SRGAP2B: variants seen among roughly 807,000 people sequenced by gnomAD.
SRGAP2B encodes SLIT-ROBO Rho GTPase activating protein 2B.
A neutral mutation model predicts 22.2 loss-of-function variants in SRGAP2B; 9 were observed. That is an observed-to-expected ratio of 0.41 (90% confidence interval 0.24 to 0.71). The LOEUF (loss-of-function observed/expected upper bound fraction) is 0.71. Among genes scored for constraint, SRGAP2B ranks in the 30% least tolerant of loss-of-function variants. The pLI is 0.35. For missense variants in SRGAP2B, 114 were observed against 235.8 expected (o/e 0.48, Z 3.38); for synonymous variants, 36 against 87.4 (o/e 0.41, Z 3.28).
At chr1:144,920,102 G>C (rs587708619) in intron 4 of SRGAP2B, among the ~76,000 whole-genome samples, 2 of 150,744 alleles carry the variant, frequency 1.3e-5, no homozygotes, top group Admixed American at 6.6e-5. Flanking sequence ...ACAGAGCGCT[G>C]ATTGGTGCGT....
At chr1:144,920,438 AT>A (rs1664151157) in intron 4 of SRGAP2B, among the ~76,000 whole-genome samples, 1 of 150,438 alleles carries the variant, frequency 6.6e-6, no homozygotes. Context: ...ACGCTGGTTA[AT>A]TTTTGTAATT....
intron 2 of SRGAP2B, among the ~76,000 whole-genome samples, chr1:145,063,031 A>G (rs1185965920): frequency 1.3e-5 from 2 of 150,346 alleles, no homozygotes; most frequent in African/African-American, 2.5e-5. Flanking sequence ...GCTCCAGAAC[A>G]CTTTTTTCCC....
chr1:144,904,298 C>T (rs1662826874), intron 7 of SRGAP2B, among the ~76,000 whole-genome samples: 1 of 138,722 alleles, frequency 7.2e-6, no homozygotes, highest in South Asian at 2.5e-4. Flanking sequence ...CACCGAGAAA[C>T]CTTAAATGCT....
intron 4 of SRGAP2B, among the ~76,000 whole-genome samples, chr1:144,921,100 G>A (rs1179678692): frequency 6.1e-5 from 9 of 147,046 alleles, no homozygotes; most frequent in Non-Finnish European, 1.2e-4. Context: ...TTAATCTAAC[G>A]TCTGGGCCCA....
At chr1:145,064,370 A>G (rs1553631993) in intron 2 of SRGAP2B, among the ~76,000 whole-genome samples, 1 of 149,184 alleles carries the variant, frequency 6.7e-6, no homozygotes, top group Non-Finnish European at 1.5e-5. Context: ...TCAAGGACTC[A>G]TCAAGCTGAG....
intron 4 of SRGAP2B, among the ~76,000 whole-genome samples, chr1:144,916,037 C>T (rs1332924263): frequency 6.7e-6 from 1 of 148,528 alleles, no homozygotes; most frequent in Non-Finnish European, 1.5e-5. Flanking sequence ...CATTTAAGAT[C>T]TTGCTTTTTT....
At chr1:144,932,454 T>C in intron 4 of SRGAP2B, among the ~76,000 whole-genome samples, 1 of 151,132 alleles carries the variant, frequency 6.6e-6, no homozygotes, top group East Asian at 1.9e-4. Context: ...ATTAGGGCTT[T>C]GCAGCCAAAT....
chr1:144,918,345 G>A (rs1259555537), intron 4 of SRGAP2B: 1 of 149,280 alleles, frequency 6.7e-6, no homozygotes, highest in African/African-American at 2.6e-5. Context: ...CTATCGGATG[G>A]GAAGTGTGAT....
intron 3 of SRGAP2B, chr1:144,965,154 G>A (rs1667980070): frequency 8.8e-7 from 1 of 1,142,058 alleles, no homozygotes; most frequent in Non-Finnish European, 1.3e-6. Context: ...CAGTGTAGGG[G>A]GGAGGAGCCA....
At chr1:145,021,730 C>A (rs1206795641) in intron 2 of SRGAP2B, among the ~76,000 whole-genome samples, 1 of 149,190 alleles carries the variant, frequency 6.7e-6, no homozygotes, top group African/African-American at 2.5e-5. Context: ...AGGAGAATCT[C>A]TTGAACCCAG....
intron 3 of SRGAP2B, among the ~76,000 whole-genome samples, chr1:144,957,945 A>G (rs555224): frequency 0.053 from 7,847 of 147,314 alleles, 933 homozygotes; most frequent in African/African-American, 0.19. Context: ...ATTGGGGGGG[A>G]TCTATACTGG....
intron 4 of SRGAP2B, among the ~76,000 whole-genome samples, chr1:144,925,264 G>A (rs1298981568): frequency 7.4e-5 from 11 of 149,246 alleles, no homozygotes; most frequent in South Asian, 2.1e-4. Flanking sequence ...CTCGGCCTCC[G>A]AAAGTGCTGT....
chr1:144,966,805 G>A (rs1444517617), intron 3 of SRGAP2B, among the ~76,000 whole-genome samples: 10 of 148,966 alleles, frequency 6.7e-5, no homozygotes, highest in African/African-American at 2.6e-4. Flanking sequence ...GATCTACCAA[G>A]CAAATGGAAA....
chr1:144,972,864 T>C (rs587628526), intron 3 of SRGAP2B, among the ~76,000 whole-genome samples: 1 of 135,586 alleles, frequency 7.4e-6, no homozygotes, highest in East Asian at 2.1e-4. Context: ...CCCAGCACTT[T>C]GGGAGGCTGA....
chr1:144,980,639 G>T (rs1396825738), intron 3 of SRGAP2B, among the ~76,000 whole-genome samples: 20 of 148,942 alleles, frequency 1.3e-4, no homozygotes, highest in African/African-American at 4.9e-4. Context: ...AAAACCCAAG[G>T]AGCAACGACA....
intron 3 of SRGAP2B, among the ~76,000 whole-genome samples, chr1:144,971,381 T>C (rs1312413605): frequency 4.0e-5 from 6 of 150,260 alleles, no homozygotes; most frequent in Admixed American, 2.0e-4. Flanking sequence ...TCTGTCCACA[T>C]TGGCCTCCCA....
At chr1:144,934,329 G>T (rs1665456247) in intron 4 of SRGAP2B, among the ~76,000 whole-genome samples, 1 of 147,346 alleles carries the variant, frequency 6.8e-6, no homozygotes, top group Non-Finnish European at 1.5e-5. Context: ...ACTTGAACCT[G>T]GGAGGCGGGG....
At chr1:144,992,172 G>A (rs1200277518) in intron 3 of SRGAP2B, among the ~76,000 whole-genome samples, 1 of 150,358 alleles carries the variant, frequency 6.7e-6, no homozygotes, top group African/African-American at 2.5e-5. Context: ...TCCTGAGCCA[G>A]TGAGACCACG....
intron 2 of SRGAP2B, among the ~76,000 whole-genome samples, chr1:145,002,516 G>A (rs1397339687): frequency 9.2e-6 from 1 of 108,404 alleles, no homozygotes; most frequent in Admixed American, 9.9e-5. Flanking sequence ...GGAAGTTTGA[G>A]ACCAGCCTGG....
Sources: allele counts gnomAD v4.1 joint callset (sites outside exome capture counted in the v4.1 genomes callset), GRCh38; gene constraint gnomAD v4.1.1; transcripts MANE v1.5; gene names NCBI Gene and HGNC (gene_info 2026-07-23, HGNC 2026-07-21).